The following PTPRF variants were observed in gnomAD, a reference collection of about 807,000 sequenced individuals.
PTPRF encodes the protein protein tyrosine phosphatase receptor type F.
A neutral mutation model predicts 201.8 loss-of-function variants in PTPRF; 59 were observed. That is an observed-to-expected ratio of 0.29 (90% CI 0.24 to 0.36). PTPRF has a LOEUF of 0.36. Among genes scored for constraint, PTPRF ranks in the 10% least tolerant of loss-of-function variants. PTPRF has a pLI of 1.00. For synonymous variants in PTPRF, 1,088 were observed against 1,089.7 expected, an observed-to-expected ratio of 1.00 and a Z score of 0.03; for missense variants, 2,132 against 2,690.5, an observed-to-expected ratio of 0.79 and a Z score of 4.59.
At chr1:43,567,645 C>T (rs951100712) in intron 5 of PTPRF, among the ~76,000 whole-genome samples, 1 of 152,204 alleles carries the variant, frequency 6.6e-6, no homozygotes, top group Non-Finnish European at 1.5e-5. Flanking sequence ...GTATCTTGCT[C>T]CTGCCTGTTG....
At chr1:43,609,032 C>T (rs542501244) in intron 21 of PTPRF, among the ~76,000 whole-genome samples, 28 of 152,136 alleles carry the variant, frequency 1.8e-4, no homozygotes, top group Admixed American at 4.6e-4. Context: ...TGTTTGTTCC[C>T]GGTGGTTCCT....
At position 43,620,494 on chromosome 1, in the gene PTPRF, G is replaced by A. The variant is rs779513130; in HGVS notation, c.5279G>A (p.Arg1760His). Reference sequence around the variant, plus strand: ...TACTGGCCAGCAGAGCGCTCTGCTCGCTACCAGTACTTTGTTGTTGACCCG... The same window carrying A: ...TACTGGCCAGCAGAGCGCTCTGCTCACTACCAGTACTTTGTTGTTGACCCG... ...HQYWPAERSA[R>H]YQYFVVDPMA... is the part of the protein sequence containing the mutation. The change falls in exon 31 of 34, where the codon CGC (arginine) becomes CAC (histidine). Residue 1760 changes from arginine (R) to histidine (H), a missense_variant. By Grantham distance (29) the Arg-to-His change is conservative (BLOSUM62 0). Around this residue, in one of 6 missense-constraint regions of PTPRF, gnomAD observed 519 missense variants for 659.5 expected, o/e 0.79. Transcript: ENST00000359947. 2 of 1,613,474 alleles carry A rather than the reference G, an allele frequency of 1.2e-6. No homozygotes were observed. Among genetic ancestry groups the A allele is most frequent in the African/African-American group, 1.3e-5 (1 of 75,034 alleles).
rs935298487 is a variant in PTPRF, at chr1:43,605,588, G to A, written c.3449G>A (p.Arg1150Lys). 4.3e-6 allele frequency: 7 copies of A among 1,614,078 alleles called. No individual in the cohort carries two copies. The highest frequency in any genetic ancestry group is 5.9e-6 in the Non-Finnish European group (7 of 1,180,050). The change falls in exon 19 of 34, where the codon AGG becomes AAG. Residue 1150 changes from arginine (R) to lysine (K), a missense_variant. Arg to Lys is a conservative substitution (Grantham distance 26). Transcript: ENST00000359947. ...GTGGGCGGGAGCATGCTGACGCCAAGGTGGAGCACACCCGAGGAACTGGAG... is the reference window on the plus strand; with the variant it reads ...GTGGGCGGGAGCATGCTGACGCCAAAGTGGAGCACACCCGAGGAACTGGAG... ...DRVGGSMLTP[R>K]WSTPEELELD...
At chr1:43,570,640 T>C (rs915822113) in intron 6 of PTPRF, among the ~76,000 whole-genome samples, 11 of 152,040 alleles carry the variant, frequency 7.2e-5, no homozygotes, top group Admixed American at 1.3e-4. Flanking sequence ...GCTTCAGAGG[T>C]GCCCTCCCAC....
At position 43,591,256 on chromosome 1, in the gene PTPRF, G is replaced by A; in HGVS notation, c.1234G>A (p.Ala412Thr). 2.5e-6 allele frequency: 4 copies of A among 1,576,728 alleles called. No homozygotes were observed. In the South Asian group the frequency reaches 4.5e-5, roughly 18 times the overall value. Residue 412 changes from alanine to threonine, a missense_variant, in exon 9 of 34, where the codon GCG (alanine) becomes ACG (threonine). Coordinates refer to ENST00000359947, the MANE Select transcript of PTPRF (RefSeq NM_002840.5). ...EAVRARTGEQ[A>T]PSSPPRRVQA... Reference sequence around the variant, plus strand: ...AGTGCGGGCACGCACGGGAGAACAGGCGCCCTCCAGCCCACCGCGCCGCGT... The same window carrying A: ...AGTGCGGGCACGCACGGGAGAACAGACGCCCTCCAGCCCACCGCGCCGCGT...
At chr1:43,525,775 A>G (rs545428773), upstream of PTPRF, among the ~76,000 whole-genome samples, 6 of 137,472 alleles carry the variant, frequency 4.4e-5, no homozygotes, top group East Asian at 1.4e-3. Context: ...ACTGCCCTCC[A>G]GCCTAGACGA....
At chr1:43,598,529 T>A (rs1652945093) in intron 12 of PTPRF, 191 bp from the exon 13 acceptor site, 2 of 610,266 alleles carry the variant, frequency 3.3e-6, no homozygotes, top group South Asian at 4.1e-5. Flanking sequence ...GGGCCAGTCC[T>A]GGGCTCTTAC....
intron 12 of PTPRF, chr1:43,598,406 C>T: frequency 2.1e-6 from 1 of 476,962 alleles, no homozygotes; most frequent in Non-Finnish European, 3.7e-6. Context: ...TAGGAGGAGT[C>T]AGGACAGGTT....
intron 3 of PTPRF, among the ~76,000 whole-genome samples, chr1:43,550,776 C>T (rs967503809): frequency 1.3e-5 from 2 of 152,154 alleles, no homozygotes; most frequent in Non-Finnish European, 2.9e-5. Flanking sequence ...GGGAGTTACC[C>T]GGGAGTTTCA....
At chr1:43,526,132 C>T (rs1225883787), upstream of PTPRF, among the ~76,000 whole-genome samples, 1 of 152,084 alleles carries the variant, frequency 6.6e-6, no homozygotes, top group African/African-American at 2.4e-5. Context: ...GGAGACAGAG[C>T]GGAAGGAGGA....
intron 11 of PTPRF, among the ~76,000 whole-genome samples, chr1:43,597,156 C>T (rs11582876): frequency 0.056 from 7,221 of 129,372 alleles, 281 homozygotes; most frequent in East Asian, 0.19. Flanking sequence ...ACTATGTATA[C>T]GTGAGACTGT....
rs113290421 is a variant in PTPRF, at chr1:43,592,644, G to GAC, written c.1813+57_1813+58dup. 12,641 of 1,527,760 alleles carry GAC rather than the reference G, an allele frequency of 8.3e-3. 742 individuals carry two copies. In the African/African-American group the frequency reaches 0.16, roughly 19 times the overall value. The allele number at this position is 1,527,760 out of a possible 1,614,324, so 94.6% of individuals were successfully genotyped here. A position where few individuals can be genotyped will look rare whatever the true frequency, so the allele number is the denominator to read the frequency against. ...CCGCTGCCTGTTACACCTGGGCTGG[G>GAC]ACACACACACACACATGCACACACA... On this transcript the variant is annotated intron_variant, in intron 11 of 33. Transcript: ENST00000359947.
Position 43,553,457 on chromosome 1 carries a change from G to A in PTPRF, c.92-35G>A. The A allele has an allele frequency of 6.2e-7, 1 of 1,604,566 alleles. No homozygotes were observed. Among genetic ancestry groups the A allele is most frequent in the Non-Finnish European group, 8.5e-7 (1 of 1,172,736 alleles). On this transcript the variant is annotated intron_variant, in intron 3 of 33. Coordinates refer to ENST00000359947, the MANE Select transcript of PTPRF (RefSeq NM_002840.5). The surrounding 1 kb of genome is among the most constrained non-coding windows in gnomAD (Gnocchi z 4.1). ...CTCACTGGCCATTCCTATAGTGACT[G>A]TGCTGTGGTGACTTGGTGTCTCCAT...
chr1:43,622,460 T>G lies in PTPRF; in HGVS notation c.*457T>G, dbSNP rs1449490195. 6.3e-6 allele frequency: 1 copy of G among 159,288 alleles called. No individual in the cohort carries two copies. Among genetic ancestry groups the G allele is most frequent in the African/African-American group, 2.4e-5 (1 of 41,554 alleles). The allele number at this position is 159,288 out of a possible 1,614,324, so 9.9% of individuals were successfully genotyped here. On this transcript the variant is annotated 3_prime_UTR_variant, in exon 34 of 34. Transcript: ENST00000359947. ...TATTTTGTTTTGTTTTTTTTTTTCT[T>G]GAGTTCACTTTGGATCCTTATTTTG...
chr1:43,614,173 C>A (rs965407084), intron 23 of PTPRF, among the ~76,000 whole-genome samples: 1 of 152,190 alleles, frequency 6.6e-6, no homozygotes. Flanking sequence ...TGTTATTATC[C>A]CATCTTCCAG....
upstream of PTPRF, among the ~76,000 whole-genome samples, chr1:43,526,024 C>G (rs530719874): frequency 6.6e-6 from 1 of 151,936 alleles, no homozygotes; most frequent in Non-Finnish European, 1.5e-5. Context: ...ATGGGAAAGA[C>G]ATGCGCATGG....
chr1:43,613,547 G>T, intron 22 of PTPRF, 71 bp from the exon 23 acceptor site: 1 of 1,273,306 alleles, frequency 7.9e-7, no homozygotes, highest in African/African-American at 1.5e-5. Flanking sequence ...ACATACATGC[G>T]TTGGGGCTTT....
Position 43,591,022 on chromosome 1 carries a change from A to G in PTPRF, c.1000A>G (p.Ser334Gly). 1 of 1,613,698 alleles carries G rather than the reference A, an allele frequency of 6.2e-7. No individual in the cohort carries two copies. Among genetic ancestry groups the G allele is most frequent in the Non-Finnish European group, 8.5e-7 (1 of 1,179,688 alleles). The change falls in exon 9 of 34, where the codon AGT becomes GGT. Residue 334 changes from serine to glycine, a missense_variant. Coordinates refer to ENST00000359947, the MANE Select transcript of PTPRF (RefSeq NM_002840.5). ...DLVVTETTAT[S>G]VTLTWDSGNS... ...TGTGGTGACAGAGACAACTGCCACC[A>G]GTGTCACCCTCACCTGGGACTCTGG...
intron 1 of PTPRF, among the ~76,000 whole-genome samples, chr1:43,533,790 G>A (rs1314554735): frequency 6.6e-6 from 1 of 152,126 alleles, no homozygotes; most frequent in African/African-American, 2.4e-5. Flanking sequence ...CGTGGTCCTT[G>A]GGGGAGCAGG....
Sources: allele counts gnomAD v4.1 joint callset (sites outside exome capture counted in the v4.1 genomes callset), GRCh38; gene constraint gnomAD v4.1.1; regional missense constraint gnomAD v4.1.1; non-coding constraint Gnocchi (gnomAD v3.1); transcripts MANE v1.5; gene names NCBI Gene and HGNC (gene_info 2026-07-23, HGNC 2026-07-21).